Variants in KCNQ3 observed in about 807,000 individuals in gnomAD.
The protein encoded by KCNQ3 is potassium voltage-gated channel subfamily KQT member 3.
A neutral mutation model predicts 92.5 loss-of-function variants in KCNQ3; 30 were observed. The ratio of observed to expected loss-of-function variants is 0.32; its 90% confidence interval spans 0.24 to 0.44. KCNQ3 has a LOEUF of 0.44. Among genes scored for constraint, KCNQ3 ranks in the 20% least tolerant of loss-of-function variants. The pLI, the probability that KCNQ3 is intolerant of heterozygous loss-of-function variation, is 1.00. For synonymous variants in KCNQ3, 450 were observed against 468.8 expected (o/e 0.96, Z 0.52); for missense variants, 913 against 1,140.3 (o/e 0.80, Z 2.87).
intron 1 of KCNQ3, among the ~76,000 whole-genome samples, chr8:132,454,123 G>T (rs1821887654): frequency 6.6e-6 from 1 of 152,236 alleles, no homozygotes; most frequent in Admixed American, 6.5e-5. Context: ...GCTCATGGCA[G>T]ACCCTGCCAA....
chr8:132,249,399 A>G (rs1390587065), intron 1 of KCNQ3, among the ~76,000 whole-genome samples: 1 of 152,188 alleles, frequency 6.6e-6, no homozygotes, highest in African/African-American at 2.4e-5. Flanking sequence ...AAAGTTCTCT[A>G]AGTCCCCACT....
In KCNQ3 at chr8:132,184,732, G is replaced by A. The variant is rs75020102; in HGVS notation, c.478-365C>T. On this transcript the variant is annotated intron_variant, in intron 2 of 14. Transcript: ENST00000388996. ...AGTTGGGTTGAAAAGAGAGATATGA[G>A]TGAAACACAATCTGTTAATTCCACC... is the stretch of plus-strand genomic sequence containing the variant. Among the ~76,000 whole-genome samples the A allele has an allele frequency of 9.7e-3, 1,483 of 152,270 alleles. 22 individuals are homozygous for A. Among genetic ancestry groups the A allele is most frequent in the African/African-American group, 0.034 (1,406 of 41,554 alleles).
At chr8:132,145,984 C>A (rs772715119) in intron 9 of KCNQ3, among the ~76,000 whole-genome samples, 10 of 152,194 alleles carry the variant, frequency 6.6e-5, no homozygotes, top group Admixed American at 1.3e-4. Flanking sequence ...AAAGGGAGGG[C>A]ATGTGGCCAA....
At chr8:132,450,163 A>G (rs910872998) in intron 1 of KCNQ3, among the ~76,000 whole-genome samples, 1 of 152,206 alleles carries the variant, frequency 6.6e-6, no homozygotes, top group Admixed American at 6.5e-5. Flanking sequence ...TGGGGTGGCC[A>G]CTGCTGGCTG....
At chr8:132,387,213 T>C (rs968390658) in intron 1 of KCNQ3, among the ~76,000 whole-genome samples, 1 of 152,246 alleles carries the variant, frequency 6.6e-6, no homozygotes, top group African/African-American at 2.4e-5. Context: ...TCAAGACGTC[T>C]GAAAATAGGG....
At chr8:132,308,076 G>T (rs1365988398) in intron 1 of KCNQ3, among the ~76,000 whole-genome samples, 2 of 152,160 alleles carry the variant, frequency 1.3e-5, no homozygotes, top group Non-Finnish European at 2.9e-5. Flanking sequence ...GCCCAGCAGG[G>T]AGCTGCAGGC....
chr8:132,204,095 C>T (rs1469675488), intron 1 of KCNQ3, among the ~76,000 whole-genome samples: 3 of 152,208 alleles, frequency 2.0e-5, no homozygotes. Flanking sequence ...CTCACATCCT[C>T]ATTTTAGAGA....
At chr8:132,476,178 T>G (rs370325850) in intron 1 of KCNQ3, among the ~76,000 whole-genome samples, 99 of 152,356 alleles carry the variant, frequency 6.5e-4, no homozygotes, top group South Asian at 8.3e-4. Context: ...TGGAAACACC[T>G]GGATGTCCAG....
At chr8:132,244,307 G>C (rs1003499419) in intron 1 of KCNQ3, among the ~76,000 whole-genome samples, 5 of 150,836 alleles carry the variant, frequency 3.3e-5, no homozygotes, top group Admixed American at 6.6e-5. Flanking sequence ...ATAAAAATTA[G>C]TAAAATGAAA....
intron 9 of KCNQ3, among the ~76,000 whole-genome samples, chr8:132,153,764 T>A (rs1825708294): frequency 6.6e-6 from 1 of 151,684 alleles, no homozygotes; most frequent in East Asian, 1.9e-4. Flanking sequence ...GGTGAAAGCC[T>A]CTTTAACACC....
At chr8:132,411,194 T>C (rs1288026566) in intron 1 of KCNQ3, among the ~76,000 whole-genome samples, 1 of 152,042 alleles carries the variant, frequency 6.6e-6, no homozygotes, top group Admixed American at 6.5e-5. Flanking sequence ...TTAAGAGAAA[T>C]TGTTTGGCAC....
At chr8:132,277,297 T>C (rs1387280470) in intron 1 of KCNQ3, among the ~76,000 whole-genome samples, 1 of 152,210 alleles carries the variant, frequency 6.6e-6, no homozygotes, top group Non-Finnish European at 1.5e-5. Flanking sequence ...AACTCAGGAC[T>C]CTTGACCCAA....
chr8:132,348,117 A>C (rs886463132), intron 1 of KCNQ3, among the ~76,000 whole-genome samples: 1 of 152,086 alleles, frequency 6.6e-6, no homozygotes, highest in Non-Finnish European at 1.5e-5. Flanking sequence ...TTTATAATTG[A>C]AATTCTTCAT....
chr8:132,354,565 C>G (rs1563875531), intron 1 of KCNQ3, among the ~76,000 whole-genome samples: 1 of 152,168 alleles, frequency 6.6e-6, no homozygotes, highest in Non-Finnish European at 1.5e-5. Flanking sequence ...ATTCTGGGGT[C>G]AGCACACCCT....
At chr8:132,322,157 T>A (rs1172180025) in intron 1 of KCNQ3, among the ~76,000 whole-genome samples, 2 of 152,160 alleles carry the variant, frequency 1.3e-5, no homozygotes, top group African/African-American at 4.8e-5. Context: ...TAGCTTGCAA[T>A]TCTTCGGTGG....
intron 1 of KCNQ3, among the ~76,000 whole-genome samples, chr8:132,432,364 A>G (rs1821275857): frequency 6.6e-6 from 1 of 152,094 alleles, no homozygotes; most frequent in Non-Finnish European, 1.5e-5. Context: ...GCAAAAAAAA[A>G]AAAACCTGGA....
chr8:132,130,176 G>A (rs1035664305), intron 14 of KCNQ3, among the ~76,000 whole-genome samples, 180 bp from the exon 15 acceptor site: 7 of 145,488 alleles, frequency 4.8e-5, no homozygotes, highest in African/African-American at 1.0e-4. Context: ...TCCGCCTCCC[G>A]GGTTCAAGCA....
At chr8:132,411,912 C>G (rs2721885) in intron 1 of KCNQ3, among the ~76,000 whole-genome samples, 34,226 of 152,144 alleles carry the variant, frequency 0.22, 4,168 homozygotes, top group East Asian at 0.32. Context: ...GCTGCTGGTG[C>G]CCCAGGCATC....
intron 9 of KCNQ3, among the ~76,000 whole-genome samples, chr8:132,153,989 GA>G (rs34840588): frequency 0.54 from 80,817 of 150,386 alleles, 21,954 homozygotes; most frequent in African/African-American, 0.6. Flanking sequence ...GGACGCCTTT[GA>G]AAAAAAATGC....
Sources: allele counts gnomAD v4.1 joint callset (sites outside exome capture counted in the v4.1 genomes callset), GRCh38; gene constraint gnomAD v4.1.1; transcripts MANE v1.5; gene names NCBI Gene and HGNC (gene_info 2026-07-23, HGNC 2026-07-21).